Variants in KDM1A observed in about 807,000 individuals in gnomAD.
The protein encoded by KDM1A is lysine demethylase 1A, also known as lysine-specific histone demethylase 1A.
In KDM1A, 49 loss-of-function variants were observed where a neutral mutation model predicts 109.4. The ratio of observed to expected loss-of-function variants is 0.45; its 90% confidence interval spans 0.36 to 0.57. The LOEUF (loss-of-function observed/expected upper bound fraction) is 0.57. Ranked by LOEUF, KDM1A falls within the 20% of genes least tolerant of loss-of-function variation. KDM1A has a pLI of 0.00. For synonymous variants in KDM1A, 380 were observed against 415.4 expected, an observed-to-expected ratio of 0.91 and a Z score of 1.04; for missense variants, 668 against 1,116.6, an observed-to-expected ratio of 0.60 and a Z score of 5.73.
intron 1 of KDM1A, among the ~76,000 whole-genome samples, chr1:23,023,512 G>C (rs904006902): frequency 2.6e-5 from 4 of 152,136 alleles, no homozygotes; most frequent in African/African-American, 9.7e-5. Context: ...AAATCTAAGA[G>C]TTTATTTCTG....
chr1:23,083,367 CAG>C lies in KDM1A; in HGVS notation c.*5_*6del. 1 of 1,609,136 alleles carries C rather than the reference CAG, an allele frequency of 6.2e-7. No homozygotes were observed. Among genetic ancestry groups the C allele is most frequent in the Non-Finnish European group, 8.5e-7 (1 of 1,176,900 alleles). On this transcript the variant is annotated 3_prime_UTR_variant, in exon 21 of 21. Transcript: ENST00000400181. ...CACAGCAGTCCCCAAGCATGTGAGA[CAG>C]ATGCATTCTAAGGGAAGAGGCCCAT...
intron 15 of KDM1A, 147 bp from the exon 16 acceptor site, chr1:23,077,081 T>C: frequency 1.5e-6 from 1 of 664,636 alleles, no homozygotes; most frequent in South Asian, 3.1e-5. Context: ...TAACTGTAGC[T>C]AAATACTGAG....
At chr1:23,025,731 A>G (rs759230753) in intron 1 of KDM1A, among the ~76,000 whole-genome samples, 1 of 152,170 alleles carries the variant, frequency 6.6e-6, no homozygotes, top group Non-Finnish European at 1.5e-5. Flanking sequence ...AAGTAGCTTT[A>G]GGGAACTTAG....
At chr1:23,029,245 G>T (rs987765875) in intron 1 of KDM1A, among the ~76,000 whole-genome samples, 1 of 152,174 alleles carries the variant, frequency 6.6e-6, no homozygotes, top group African/African-American at 2.4e-5. Flanking sequence ...ATTCATCTTG[G>T]AAATGTAAAA....
intron 1 of KDM1A, among the ~76,000 whole-genome samples, chr1:23,023,578 C>T (rs985254039): frequency 1.3e-5 from 2 of 152,224 alleles, no homozygotes; most frequent in Non-Finnish European, 2.9e-5. Flanking sequence ...TCCAGTACCA[C>T]ACTATCCTGA....
chr1:23,026,863 C>T (rs893327706), intron 1 of KDM1A, among the ~76,000 whole-genome samples: 1 of 152,048 alleles, frequency 6.6e-6, no homozygotes, highest in African/African-American at 2.4e-5. Flanking sequence ...TCTTTATGTC[C>T]TTGGTTGTAA....
In KDM1A at chr1:23,030,206, A is replaced by G. The variant is rs1299656126; in HGVS notation, c.352-263A>G. On this transcript the variant is annotated intron_variant, in intron 1 of 20. Coordinates refer to ENST00000400181, the MANE Select transcript of KDM1A (RefSeq NM_001009999.3). ...ATTAAAAAGGTTTTTGAGGAGTTGT[A>G]GAGAGCCTTAGAGTCAATGATTTGA... 3.3e-5 allele frequency among the ~76,000 whole-genome samples: 5 copies of G among 152,362 alleles called. No individual in the cohort carries two copies. The East Asian group carries it at 9.6e-4, about 29-fold the overall frequency.
Position 23,062,357 on chromosome 1 carries a change from C to A in KDM1A, c.1167+3190C>A, listed in dbSNP as rs575324317. On this transcript the variant is annotated intron_variant, in intron 9 of 20. Coordinates refer to ENST00000400181, the MANE Select transcript of KDM1A (RefSeq NM_001009999.3). ...GCAAGGCCTACCTAAAGTAAAAATT[C>A]ATTCAGTCATTGATTTTTCTTTAGT... Among the ~76,000 whole-genome samples the A allele has an allele frequency of 2.6e-5, 4 of 152,304 alleles. No homozygotes were observed. The South Asian group carries it at 8.3e-4, about 32-fold the overall frequency.
chr1:23,026,631 C>G (rs1438997679), intron 1 of KDM1A, among the ~76,000 whole-genome samples: 1 of 152,100 alleles, frequency 6.6e-6, no homozygotes, highest in Non-Finnish European at 1.5e-5. Context: ...ATCTGCTCAC[C>G]TCAACCTCCC....
intron 2 of KDM1A, among the ~76,000 whole-genome samples, chr1:23,033,850 G>C (rs1209202720): frequency 1.3e-5 from 2 of 152,152 alleles, no homozygotes; most frequent in Non-Finnish European, 2.9e-5. Flanking sequence ...TTGAGCAAGG[G>C]GGGTTACACT....
In KDM1A at chr1:23,068,946, TC is replaced by T. The variant is rs1182665108; in HGVS notation, c.1323-113del. ...ATTTCCAACTAGCCAACTTTCTTGT[TC>T]CTAAGTATCAGAAGTTTCAGTGGGC... On this transcript the variant is annotated intron_variant, in intron 11 of 20. Coordinates refer to ENST00000400181, the MANE Select transcript of KDM1A (RefSeq NM_001009999.3). 1.7e-5 allele frequency: 12 copies of T among 694,506 alleles called. No homozygotes were observed. In the African/African-American group the frequency reaches 2.2e-4, roughly 13 times the overall value. The allele number at this position is 694,506 out of a possible 1,614,324, so 43.0% of individuals were successfully genotyped here.
intron 2 of KDM1A, among the ~76,000 whole-genome samples, chr1:23,041,912 C>G (rs572534271): frequency 6.6e-6 from 1 of 152,090 alleles, no homozygotes; most frequent in African/African-American, 2.4e-5. Flanking sequence ...AAGACTGCCT[C>G]GTTGCCCTTT....
intron 1 of KDM1A, among the ~76,000 whole-genome samples, chr1:23,027,721 C>CTTT (rs34716853): frequency 7.3e-6 from 1 of 136,524 alleles, no homozygotes; most frequent in Non-Finnish European, 1.6e-5. Context: ...CGCTCCCAGC[C>CTTT]TTTTTTTTTT....
At chr1:23,039,028 C>G (rs1336182534) in intron 2 of KDM1A, among the ~76,000 whole-genome samples, 3 of 152,208 alleles carry the variant, frequency 2.0e-5, no homozygotes, top group Non-Finnish European at 4.4e-5. Context: ...CTGTGACTTT[C>G]CTTATGTTCA....
chr1:23,073,547 A>G, intron 15 of KDM1A, 144 bp downstream of exon 15: 2 of 604,754 alleles, frequency 3.3e-6, no homozygotes, highest in Non-Finnish European at 5.9e-6. Flanking sequence ...TTTTAAGTGA[A>G]CAGTTTATTG....
intron 2 of KDM1A, among the ~76,000 whole-genome samples, chr1:23,031,864 C>A (rs940962385): frequency 2.0e-5 from 3 of 152,166 alleles, no homozygotes; most frequent in Admixed American, 2.0e-4. Context: ...AAAATGATTT[C>A]TTGGGCAACT....
At chr1:23,055,302 A>AC (rs11380187) in intron 6 of KDM1A, 141 bp downstream of exon 6, 3 of 400,538 alleles carry the variant, frequency 7.5e-6, no homozygotes, top group Non-Finnish European at 1.3e-5. Context: ...TTATCTTCTT[A>AC]AAGTCAAGTT....
chr1:23,068,644 C>G lies in KDM1A; in HGVS notation c.1285C>G (p.Pro429Ala). The G allele has an allele frequency of 1.3e-6, 2 of 1,591,718 alleles. No homozygotes were observed. Among genetic ancestry groups the G allele is most frequent in the Non-Finnish European group, 1.7e-6 (2 of 1,174,420 alleles). Residue 429 changes from proline to alanine, a missense_variant, in exon 11 of 21, where the codon CCT (proline) becomes GCT (alanine). Transcript: ENST00000400181. ...AGACTTCAATGTCCTCAATAATAAGCCTGTGTCCCTTGGCCAGGCATTGGA... is the reference window on the plus strand; with the variant it reads ...AGACTTCAATGTCCTCAATAATAAGGCTGTGTCCCTTGGCCAGGCATTGGA... ...QLDFNVLNNK[P>A]VSLGQALEVV...
chr1:23,075,046 G>A (rs1233164798), intron 15 of KDM1A, among the ~76,000 whole-genome samples: 1 of 152,196 alleles, frequency 6.6e-6, no homozygotes, highest in East Asian at 1.9e-4. Context: ...TTGATTAGGA[G>A]TGCATTAAAT....
Sources: gnomAD v4.1 joint callset for allele counts (sites outside exome capture counted in the v4.1 genomes callset) on GRCh38, gnomAD v4.1.1 for gene constraint, MANE v1.5 for transcripts, NCBI Gene and HGNC (gene_info 2026-07-23, HGNC 2026-07-21) for gene names.